UNC45B: variants seen among roughly 807,000 people sequenced by gnomAD.
The protein encoded by UNC45B is unc-45 myosin chaperone B.
Under a neutral mutation model 98.7 loss-of-function variants are expected in UNC45B, and 78 were observed. That is an observed-to-expected ratio of 0.79 (90% CI 0.66 to 0.95). The LOEUF (loss-of-function observed/expected upper bound fraction) is 0.95. Among genes scored for constraint, UNC45B ranks in the 40% least tolerant of loss-of-function variants. UNC45B has a pLI of 0.00. For missense variants in UNC45B, 1,225 were observed against 1,184.9 expected (o/e 1.03, Z -0.50); for synonymous variants, 462 against 480.4 (o/e 0.96, Z 0.50).
chr17:35,166,357 T>G (rs1419534233), intron 9 of UNC45B, among the ~76,000 whole-genome samples: 1 of 152,138 alleles, frequency 6.6e-6, no homozygotes, highest in Non-Finnish European at 1.5e-5. Flanking sequence ...ACCCTGACTT[T>G]GGTTCACTTA....
intron 9 of UNC45B, among the ~76,000 whole-genome samples, chr17:35,166,085 C>CAAAAAAAAAAAAAA: frequency 6.1e-5 from 1 of 16,266 alleles, no homozygotes; most frequent in Non-Finnish European, 1.0e-4. Context: ...ACCCTCATCT[C>CAAAAAAAAAAAAAA]TAAAAAAAAA....
chr17:35,185,348 C>T (rs1347580255), intron 19 of UNC45B, among the ~76,000 whole-genome samples: 1 of 151,778 alleles, frequency 6.6e-6, no homozygotes, highest in Non-Finnish European at 1.5e-5. Flanking sequence ...TGCTCTTTTG[C>T]CCAGGCTGGA....
rs1326369461 is a variant in UNC45B at position 35,170,229 on chromosome 17, C to A, written c.1663C>A (p.Leu555Met). 1.2e-6 allele frequency: 2 copies of A among 1,612,090 alleles called. No individual in the cohort carries two copies. The highest frequency in any genetic ancestry group is 1.7e-6 in the Non-Finnish European group (2 of 1,178,678). ...KDDFVQDVPA[L>M]QAMFELAKTS... ...CGACTTTGTCCAGGACGTCCCTGCC[C>A]TGCAGGCCATGTTTGAGCTGGCCAA... Residue 555 changes from leucine to methionine, a missense_variant, in exon 12 of 20, where the codon CTG (leucine) becomes ATG (methionine). Physicochemically the swap from Leu to Met is conservative, Grantham distance 15. Transcript: ENST00000394570.
chr17:35,177,647 G>A lies in UNC45B; in HGVS notation c.2255+37G>A, dbSNP rs147197249. On this transcript the variant is annotated intron_variant, in intron 17 of 19. Transcript: ENST00000394570. ...GAGTGTGGCAGGGGTGGAGAGAGGT[G>A]GCTCAAAAAGTGTTTGTTTGAAATT... 205 of 1,455,244 alleles carry A rather than the reference G, an allele frequency of 1.4e-4. No individual in the cohort carries two copies. In the African/African-American group the frequency reaches 2.6e-3, roughly 18 times the overall value. The allele number at this position is 1,455,244 out of a possible 1,614,324, so 90.1% of individuals were successfully genotyped here. A position where few individuals can be genotyped will look rare whatever the true frequency, so the allele number is the denominator to read the frequency against.
chr17:35,163,162 G>A (rs1364295668), intron 8 of UNC45B, among the ~76,000 whole-genome samples: 3 of 152,230 alleles, frequency 2.0e-5, no homozygotes, highest in Admixed American at 6.5e-5. Flanking sequence ...TGAAGTGAAT[G>A]TGTATAAAGC....
intron 6 of UNC45B, 136 bp from the exon 7 acceptor site, chr17:35,155,160 T>C (rs1363700176): frequency 8.6e-6 from 9 of 1,050,242 alleles, no homozygotes; most frequent in Non-Finnish European, 1.2e-5. Flanking sequence ...GAGGGGCCCA[T>C]GAGGCAATGG....
At chr17:35,147,997 C>G in intron 1 of UNC45B, 87 bp downstream of exon 1, 2 of 469,554 alleles carry the variant, frequency 4.3e-6, no homozygotes, top group Admixed American at 7.0e-5. Flanking sequence ...GCCTTTGGCA[C>G]AAACTAAGCA....
intron 13 of UNC45B, among the ~76,000 whole-genome samples, chr17:35,172,525 A>G (rs1037489735): frequency 2.0e-5 from 3 of 152,226 alleles, no homozygotes; most frequent in African/African-American, 7.2e-5. Context: ...TTGGGAATCC[A>G]GGCATGAGCC....
rs1417939909 is a variant in UNC45B, at chr17:35,169,936, G to T, written c.1547+5G>T. ...ACTGGCCAAACAGTGTCGCAAGTAAGGGGGCTGTGTTTCCCAGGCCCTCCA... is the reference window on the plus strand; with the variant it reads ...ACTGGCCAAACAGTGTCGCAAGTAATGGGGCTGTGTTTCCCAGGCCCTCCA... On this transcript the variant is annotated splice_donor_5th_base_variant and intron_variant, in intron 11 of 19. Transcript: ENST00000394570. 1 of 1,614,186 alleles carries T rather than the reference G, an allele frequency of 6.2e-7. No homozygotes were observed. The highest frequency in any genetic ancestry group is 1.1e-5 in the South Asian group (1 of 91,080).
chr17:35,175,635 C>T (rs2092227158), intron 14 of UNC45B, among the ~76,000 whole-genome samples: 1 of 152,124 alleles, frequency 6.6e-6, no homozygotes, highest in Non-Finnish European at 1.5e-5. Context: ...CTGGATGAGA[C>T]AAAAGAGGAA....
intron 3 of UNC45B, 139 bp from the exon 4 acceptor site, chr17:35,149,909 A>G (rs2092004074): frequency 4.5e-6 from 4 of 886,576 alleles, no homozygotes; most frequent in African/African-American, 1.7e-5. Context: ...GGTAAGGGCC[A>G]GAGAGTCCAC....
chr17:35,165,463 C>G (rs1006447919), intron 9 of UNC45B, among the ~76,000 whole-genome samples: 1 of 152,196 alleles, frequency 6.6e-6, no homozygotes, highest in Non-Finnish European at 1.5e-5. Flanking sequence ...GCTCAGGAAG[C>G]TGCATGCTTA....
chr17:35,164,084 A>G lies in UNC45B; in HGVS notation c.1069A>G (p.Ile357Val), dbSNP rs575944372. 6.8e-6 allele frequency: 11 copies of G among 1,614,094 alleles called. No homozygotes were observed. In the Admixed American group the frequency reaches 1.0e-4, roughly 15 times the overall value. The change falls in exon 9 of 20, where the codon ATC becomes GTC. Residue 357 changes from isoleucine (I) to valine (V), a missense_variant. Transcript: ENST00000394570. ...TGACAACACCCGCATGCTGGCCTCT[A>G]TCCTCATCAACAAGCTCTATGATGA... ...LTDNTRMLASILINKLYDDLR... is the reference protein window; with the variant it reads ...LTDNTRMLASVLINKLYDDLR...
intron 4 of UNC45B, among the ~76,000 whole-genome samples, chr17:35,150,727 G>A (rs2092011491): frequency 6.6e-6 from 1 of 151,954 alleles, no homozygotes; most frequent in Non-Finnish European, 1.5e-5. Flanking sequence ...CTTCAGCCTG[G>A]GCGACAGAGC....
chr17:35,167,972 T>G, intron 9 of UNC45B, 89 bp from the exon 10 acceptor site: 1 of 1,288,138 alleles, frequency 7.8e-7, no homozygotes, highest in South Asian at 2.1e-5. Flanking sequence ...GGAGCCAGGA[T>G]GCAAATCCAA....
chr17:35,164,306 G>A, intron 9 of UNC45B, 140 bp downstream of exon 9: 1 of 1,031,420 alleles, frequency 9.7e-7, no homozygotes, highest in Non-Finnish European at 1.3e-6. Flanking sequence ...GAGTGGTTTG[G>A]CTGGGTGGCT....
intron 4 of UNC45B, among the ~76,000 whole-genome samples, chr17:35,150,595 C>CA (rs969004794): frequency 1.1e-4 from 16 of 152,196 alleles, no homozygotes; most frequent in African/African-American, 3.6e-4. Context: ...ACTAAAAATA[C>CA]AAAAAATAGC....
intron 14 of UNC45B, among the ~76,000 whole-genome samples, chr17:35,175,374 T>C (rs1399609394): frequency 1.3e-5 from 2 of 152,104 alleles, no homozygotes; most frequent in African/African-American, 2.4e-5. Flanking sequence ...AAAGGGCTGA[T>C]TGGAGCACAA....
chr17:35,182,263 G>A (rs2142604804), intron 18 of UNC45B, among the ~76,000 whole-genome samples: 1 of 152,114 alleles, frequency 6.6e-6, no homozygotes, highest in Admixed American at 6.5e-5. Context: ...CTAATCTTTT[G>A]TATTTTTAGT....
Sources: gnomAD v4.1 joint callset for allele counts (sites outside exome capture counted in the v4.1 genomes callset) on GRCh38, gnomAD v4.1.1 for gene constraint, MANE v1.5 for transcripts, NCBI Gene and HGNC (gene_info 2026-07-23, HGNC 2026-07-21) for gene names.